Variants in IMMP2L observed in about 807,000 individuals in gnomAD.
IMMP2L encodes inner mitochondrial membrane peptidase subunit 2.
Under a neutral mutation model 19.3 loss-of-function variants are expected in IMMP2L, and 18 were observed. The observed-to-expected ratio is 0.93, with a 90% CI of 0.64 to 1.38. The LOEUF (loss-of-function observed/expected upper bound fraction) is 1.38. IMMP2L is among the 40% of genes most tolerant of loss of function. The pLI is 0.00. For synonymous variants in IMMP2L, 76 were observed against 73.0 expected (o/e 1.04, Z -0.21); for missense variants, 233 against 218.2 (o/e 1.07, Z -0.43).
intron 3 of IMMP2L, among the ~76,000 whole-genome samples, chr7:111,310,349 T>C (rs775916875): frequency 1.3e-5 from 2 of 151,538 alleles, no homozygotes; most frequent in Non-Finnish European, 2.9e-5. Flanking sequence ...GCACAAAAAG[T>C]ATTAAGAACC....
chr7:110,927,777 A>C (rs962114418), intron 4 of IMMP2L, among the ~76,000 whole-genome samples: 3 of 152,144 alleles, frequency 2.0e-5, no homozygotes, highest in African/African-American at 7.2e-5. Context: ...AATTTGTATT[A>C]AGTCATTAAA....
At chr7:111,338,400 C>G (rs929211655) in intron 3 of IMMP2L, among the ~76,000 whole-genome samples, 1 of 151,960 alleles carries the variant, frequency 6.6e-6, no homozygotes, top group African/African-American at 2.4e-5. Context: ...ACCCCCACCC[C>G]TGTCATTCTA....
intron 3 of IMMP2L, among the ~76,000 whole-genome samples, chr7:111,041,840 A>G (rs1190843532): frequency 1.3e-5 from 2 of 152,166 alleles, no homozygotes; most frequent in Non-Finnish European, 2.9e-5. Context: ...AATCTAGTGT[A>G]GTTAGTGTCA....
At chr7:111,180,039 G>C (rs1181329963) in intron 3 of IMMP2L, among the ~76,000 whole-genome samples, 1 of 151,958 alleles carries the variant, frequency 6.6e-6, no homozygotes, top group Non-Finnish European at 1.5e-5. Flanking sequence ...GGGCTGGTTT[G>C]ATCTATCCAG....
At chr7:110,818,303 G>A (rs1470446594) in intron 5 of IMMP2L, among the ~76,000 whole-genome samples, 6 of 152,122 alleles carry the variant, frequency 3.9e-5, no homozygotes, top group Admixed American at 6.6e-5. Flanking sequence ...AGTGGGCGAA[G>A]GATATGAACA....
intron 3 of IMMP2L, among the ~76,000 whole-genome samples, chr7:111,382,397 G>C (rs1831287198): frequency 6.6e-6 from 1 of 152,030 alleles, no homozygotes; most frequent in Non-Finnish European, 1.5e-5. Context: ...GATCACTGAT[G>C]ACCTTCATGA....
intron 4 of IMMP2L, among the ~76,000 whole-genome samples, chr7:110,930,262 G>T (rs1383193604): frequency 6.6e-6 from 1 of 151,722 alleles, no homozygotes; most frequent in East Asian, 1.9e-4. Context: ...TTCCACCAAG[G>T]TTATCCTCTT....
At chr7:110,823,716 G>T (rs1363024989) in intron 5 of IMMP2L, among the ~76,000 whole-genome samples, 2 of 152,014 alleles carry the variant, frequency 1.3e-5, no homozygotes, top group Non-Finnish European at 2.9e-5. Context: ...AACATACTTT[G>T]AGAGCAAAAT....
intron 5 of IMMP2L, among the ~76,000 whole-genome samples, chr7:110,707,058 G>T: frequency 9.6e-6 from 1 of 104,230 alleles, no homozygotes; most frequent in African/African-American, 3.8e-5. Context: ...ACATTGTGCA[G>T]GTTAGTTACG....
intron 3 of IMMP2L, among the ~76,000 whole-genome samples, chr7:111,226,226 T>A (rs902225304): frequency 6.6e-6 from 1 of 152,048 alleles, no homozygotes; most frequent in African/African-American, 2.4e-5. Context: ...CAATCACGGC[T>A]CACTGCAGTC....
intron 3 of IMMP2L, among the ~76,000 whole-genome samples, chr7:111,005,154 C>G (rs192931525): frequency 2.6e-4 from 39 of 152,122 alleles, no homozygotes; most frequent in South Asian, 2.1e-4. Context: ...TTCAGTGGTT[C>G]ACTCTGTTGG....
At chr7:110,970,727 T>A (rs944126836) in intron 3 of IMMP2L, among the ~76,000 whole-genome samples, 1 of 152,126 alleles carries the variant, frequency 6.6e-6, no homozygotes, top group African/African-American at 2.4e-5. Context: ...GGAAGCATTC[T>A]TTCCCCTTAG....
At chr7:111,145,395 A>G (rs1803358872) in intron 3 of IMMP2L, among the ~76,000 whole-genome samples, 1 of 152,100 alleles carries the variant, frequency 6.6e-6, no homozygotes, top group South Asian at 2.1e-4. Context: ...ACCTATTTAA[A>G]TGAAAACAAT....
At chr7:111,031,338 G>A (rs561936493) in intron 3 of IMMP2L, among the ~76,000 whole-genome samples, 1 of 151,156 alleles carries the variant, frequency 6.6e-6, no homozygotes, top group African/African-American at 2.4e-5. Context: ...TATAAAAAGT[G>A]AGCCTGGAAC....
Position 110,806,172 on chromosome 7 carries a change from A to C in IMMP2L, c.408+80421T>G, listed in dbSNP as rs940825135. On this transcript the variant is annotated intron_variant, in intron 5 of 5. Coordinates refer to ENST00000405709, the MANE Select transcript of IMMP2L (RefSeq NM_032549.4). ...AAATTACTAGAAAAATCAGTACAAA[A>C]CCTATTTATTGCATGTATTTAAAGC... Among the ~76,000 whole-genome samples, 4 of 152,052 alleles carry C rather than the reference A, an allele frequency of 2.6e-5. No individual in the cohort carries two copies. In the East Asian group the frequency reaches 7.8e-4, roughly 30 times the overall value.
At chr7:111,421,446 G>C (rs1023492301) in intron 3 of IMMP2L, among the ~76,000 whole-genome samples, 5 of 150,108 alleles carry the variant, frequency 3.3e-5, no homozygotes, top group Admixed American at 6.6e-5. Context: ...ATTTTTTTTT[G>C]TATTTTTAGT....
chr7:110,922,978 A>G (rs529314834), intron 4 of IMMP2L, among the ~76,000 whole-genome samples: 3 of 152,206 alleles, frequency 2.0e-5, no homozygotes, highest in Non-Finnish European at 4.4e-5. Flanking sequence ...AAAGCCTTTT[A>G]TTTCACCATT....
chr7:111,327,112 T>C (rs1181734235), intron 3 of IMMP2L, among the ~76,000 whole-genome samples: 1 of 151,726 alleles, frequency 6.6e-6, no homozygotes, highest in African/African-American at 2.4e-5. Flanking sequence ...GAAAACACTG[T>C]GCTACATGAA....
At chr7:110,699,988 G>T (rs1024643934) in intron 5 of IMMP2L, among the ~76,000 whole-genome samples, 38 of 152,190 alleles carry the variant, frequency 2.5e-4, no homozygotes, top group African/African-American at 8.7e-4. Flanking sequence ...TAGCCCCAAA[G>T]AAATGAATTC....
Sources: allele counts gnomAD v4.1 joint callset (sites outside exome capture counted in the v4.1 genomes callset), GRCh38; gene constraint gnomAD v4.1.1; transcripts MANE v1.5; gene names NCBI Gene and HGNC (gene_info 2026-07-23, HGNC 2026-07-21).